The following QDPR variants were observed in gnomAD, a reference collection of about 807,000 sequenced individuals.
QDPR encodes the protein quinoid dihydropteridine reductase, also known as dihydropteridine reductase.
QDPR carries 23 observed loss-of-function variants against 31.7 expected under a neutral mutation model. The ratio of observed to expected loss-of-function variants is 0.73; its 90% CI spans 0.52 to 1.03. The LOEUF is 1.03. Ranked by LOEUF, QDPR falls within the 50% of genes least tolerant of loss-of-function variation. The pLI, the probability that QDPR is intolerant of heterozygous loss-of-function variation, is 0.00. For synonymous variants in QDPR, 124 were observed against 124.7 expected (o/e 0.99, Z 0.03); for missense variants, 324 against 323.8 (o/e 1.00, Z 0.00).
chr4:17,493,084 G>T (rs966179104), intron 4 of QDPR, among the ~76,000 whole-genome samples: 2 of 152,194 alleles, frequency 1.3e-5, no homozygotes, highest in Non-Finnish European at 2.9e-5. Flanking sequence ...AAATGGGTTT[G>T]AGGTGTTTTC....
chr4:17,499,662 G>A (rs1718489830), intron 4 of QDPR, among the ~76,000 whole-genome samples: 1 of 152,226 alleles, frequency 6.6e-6, no homozygotes, highest in Non-Finnish European at 1.5e-5. Flanking sequence ...GCTCATGCCA[G>A]TAGTCTCAGT....
At chr4:17,491,164 A>C (rs1429741000) in intron 5 of QDPR, among the ~76,000 whole-genome samples, 9 of 152,244 alleles carry the variant, frequency 5.9e-5, no homozygotes, top group Admixed American at 5.9e-4. Flanking sequence ...AAAATACTAA[A>C]ATTTTAAATA....
chr4:17,510,251 C>G (rs1239018536), intron 1 of QDPR, among the ~76,000 whole-genome samples: 1 of 152,206 alleles, frequency 6.6e-6, no homozygotes. Context: ...TCAGACAGAT[C>G]AGGTTTGAAT....
intron 4 of QDPR, among the ~76,000 whole-genome samples, chr4:17,495,924 G>A (rs1203608588): frequency 3.3e-5 from 5 of 151,980 alleles, no homozygotes; most frequent in Admixed American, 2.6e-4. Flanking sequence ...TGGAAAGACG[G>A]CTGGAGCCCC....
At chr4:17,505,101 G>A (rs1718711076) in intron 2 of QDPR, among the ~76,000 whole-genome samples, 1 of 152,092 alleles carries the variant, frequency 6.6e-6, no homozygotes, top group African/African-American at 2.4e-5. Flanking sequence ...ATATATGTAT[G>A]CCCTCTTGTT....
chr4:17,500,732 T>A (rs374220516), intron 4 of QDPR, among the ~76,000 whole-genome samples: 47 of 152,310 alleles, frequency 3.1e-4, no homozygotes, highest in East Asian at 1.3e-3. Flanking sequence ...CCAAACAAAC[T>A]AATACAGGTC....
At chr4:17,496,022 AAAATAAAT>A (rs150999940) in intron 4 of QDPR, among the ~76,000 whole-genome samples, 16,037 of 151,302 alleles carry the variant, frequency 0.11, 1,710 homozygotes, top group East Asian at 0.43. Context: ...AAAAAAAAGG[AAAATAAAT>A]AAATAAATAA....
At chr4:17,488,152 T>A (rs1420821515) in intron 6 of QDPR, among the ~76,000 whole-genome samples, 2 of 151,928 alleles carry the variant, frequency 1.3e-5, no homozygotes, top group African/African-American at 4.8e-5. Context: ...TCCCAGCTAC[T>A]CAGGAGGCTG....
At chr4:17,504,529 T>C in intron 2 of QDPR, 54 bp from the exon 3 acceptor site, 1 of 1,401,424 alleles carries the variant, frequency 7.1e-7, no homozygotes, top group Non-Finnish European at 1.0e-6. Flanking sequence ...CAACACAGGC[T>C]AGCATCTTTA....
intron 2 of QDPR, among the ~76,000 whole-genome samples, chr4:17,504,810 C>T (rs949790510): frequency 6.6e-6 from 1 of 152,004 alleles, no homozygotes; most frequent in Non-Finnish European, 1.5e-5. Flanking sequence ...TAGAGCTTCA[C>T]TGCCTGCACA....
chr4:17,511,913 C>T (rs1376467971), intron 1 of QDPR, 37 bp downstream of exon 1: 1 of 1,596,478 alleles, frequency 6.3e-7, no homozygotes, highest in Admixed American at 1.7e-5. Flanking sequence ...CCCGGCCACC[C>T]CCGCGGAGAC....
rs1717979795 is a variant in QDPR at position 17,486,958 on chromosome 4, A to G, written c.*173T>C. 3 of 647,974 alleles carry G rather than the reference A, an allele frequency of 4.6e-6. No individual in the cohort carries two copies. 40.1% of individuals were successfully genotyped at this position (647,974 alleles called of 1,614,324 possible). A position where few individuals can be genotyped will look rare whatever the true frequency, so the allele number is the denominator to read the frequency against. ...CCAGTCTCGCATGTCTTTACTTCAC[A>G]TAAATGTATTACACTGTCCTAGGAG... is the stretch of plus-strand genomic sequence containing the variant. On this transcript the variant is annotated 3_prime_UTR_variant, in exon 7 of 7. Coordinates refer to ENST00000281243, the MANE Select transcript of QDPR (RefSeq NM_000320.3).
At chr4:17,509,919 C>T (rs1718945009) in intron 1 of QDPR, 2 of 455,610 alleles carry the variant, frequency 4.4e-6, no homozygotes, top group Admixed American at 2.4e-5. Context: ...CTGTAAAGGG[C>T]CAGATCACAA....
rs1388036988 is a variant in QDPR, at chr4:17,486,943, A to G, written c.*188T>C. 3.2e-6 allele frequency: 2 copies of G among 624,308 alleles called. No homozygotes were observed. The highest frequency in any genetic ancestry group is 2.5e-5 in the Admixed American group (1 of 39,776). 38.7% of individuals were successfully genotyped at this position (624,308 alleles called of 1,614,324 possible). ...GCTATTTGCAGGCCACCAGTCTCGC[A>G]TGTCTTTACTTCACATAAATGTATT... On this transcript the variant is annotated 3_prime_UTR_variant, in exon 7 of 7. Coordinates refer to ENST00000281243, the MANE Select transcript of QDPR (RefSeq NM_000320.3).
rs1338238888 is a variant in QDPR, at chr4:17,486,842, A to C, written c.*289T>G. The stretch of plus-strand genomic sequence containing the variant: ...GTCAAGGACAGATGAACAGTCACAA[A>C]AGCGATCCAACATGACACCGCTATA... On this transcript the variant is annotated 3_prime_UTR_variant, in exon 7 of 7. Coordinates refer to ENST00000281243, the MANE Select transcript of QDPR (RefSeq NM_000320.3). The C allele has an allele frequency of 2.3e-6, 1 of 435,776 alleles. No homozygotes were observed. The highest frequency in any genetic ancestry group is 4.2e-6 in the Non-Finnish European group (1 of 236,888). 27.0% of individuals were successfully genotyped at this position (435,776 alleles called of 1,614,324 possible).
At position 17,504,457 on chromosome 4, in the gene QDPR, T is replaced by G. The variant is rs768731083; in HGVS notation, c.217A>C (p.Lys73Gln). 6.2e-7 allele frequency: 1 copy of G among 1,614,202 alleles called. No individual in the cohort carries two copies. The highest frequency in any genetic ancestry group is 1.7e-5 in the Admixed American group (1 of 60,022). ...TCCACCTTCTCTTCACCCAAGAGCT[T>G]TCCAACCTCAGCAGTCACCTTCAAC... Reference protein sequence around the residue: ...QADQVTAEVGKLLGEEKVDAI... With the variant: ...QADQVTAEVGQLLGEEKVDAI... The change falls in exon 3 of 7, where the codon AAG (lysine) becomes CAG (glutamine). Residue 73 changes from lysine to glutamine, a missense_variant. Transcript: ENST00000281243.
At chr4:17,506,854 T>A (rs2108995748) in intron 2 of QDPR, among the ~76,000 whole-genome samples, 1 of 152,328 alleles carries the variant, frequency 6.6e-6, no homozygotes, top group African/African-American at 2.4e-5. Context: ...TACATTCCAA[T>A]CTATGTCAAA....
intron 2 of QDPR, 89 bp downstream of exon 2, chr4:17,509,182 G>T (rs888674741): frequency 5.0e-5 from 53 of 1,054,306 alleles, no homozygotes; most frequent in Non-Finnish European, 4.7e-5. Flanking sequence ...ATAAAAGGAA[G>T]AACATACAGC....
chr4:17,503,844 G>A (rs1014411744), intron 3 of QDPR, among the ~76,000 whole-genome samples: 17 of 151,984 alleles, frequency 1.1e-4, no homozygotes, highest in Non-Finnish European at 2.1e-4. Context: ...TCAGCTACTC[G>A]GGAGGCTGAG....
Sources: allele counts gnomAD v4.1 joint callset (sites outside exome capture counted in the v4.1 genomes callset), GRCh38; gene constraint gnomAD v4.1.1; transcripts MANE v1.5; gene names NCBI Gene and HGNC (gene_info 2026-07-23, HGNC 2026-07-21).